Variants in CDH5 observed in about 807,000 individuals in gnomAD.
CDH5 encodes cadherin 5, also known as cadherin-5.
CDH5 carries 28 observed loss-of-function variants against 62.0 expected under a neutral mutation model. The observed-to-expected ratio is 0.45, with a 90% CI of 0.33 to 0.62. CDH5 has a LOEUF of 0.62. Among genes scored for constraint, CDH5 ranks in the 20% least tolerant of loss-of-function variants. The pLI is 0.02. For missense variants in CDH5, 940 were observed against 1,065.1 expected (o/e 0.88, Z 1.63); for synonymous variants, 464 against 445.8 (o/e 1.04, Z -0.52).
Position 66,402,650 on chromosome 16 carries a change from A to G in CDH5, c.1838-2A>G. 1.3e-6 allele frequency: 2 copies of G among 1,579,302 alleles called. No homozygotes were observed. The highest frequency in any genetic ancestry group is 1.7e-6 in the Non-Finnish European group (2 of 1,164,670). On this transcript the variant is annotated splice_acceptor_variant, in intron 11 of 11. Transcript: ENST00000341529. LOFTEE classifies it high-confidence loss of function. ...CTCTGCTGCTCGGCTCCCTGGCTGC[A>G]GTGATCACCCTGCTCATCTTCCTGC...
intron 3 of CDH5, among the ~76,000 whole-genome samples, chr16:66,388,073 C>T (rs1961016905): frequency 1.3e-5 from 2 of 152,220 alleles, no homozygotes; most frequent in African/African-American, 4.8e-5. Flanking sequence ...CCGCCCCCTC[C>T]CTCATTTCCC....
rs758449277 is a variant in CDH5, at chr16:66,379,327, C to T, written c.-11C>T. ...GTCTCCTCTTTCCCCAGATCTGTTC[C>T]TCCTGGGAAGATGCAGAGGCTCATG... On this transcript the variant is annotated 5_prime_UTR_variant, in exon 2 of 12. Transcript: ENST00000341529. 4.4e-6 allele frequency: 7 copies of T among 1,602,466 alleles called. No individual in the cohort carries two copies. In the Admixed American group the frequency reaches 8.4e-5, roughly 19 times the overall value.
At chr16:66,370,659 G>A (rs1278452856) in intron 1 of CDH5, among the ~76,000 whole-genome samples, 1 of 152,158 alleles carries the variant, frequency 6.6e-6, no homozygotes, top group Non-Finnish European at 1.5e-5. Flanking sequence ...TGGGCAGATA[G>A]GCCAGGAGGC....
chr16:66,384,253 A>C (rs1960945792), intron 2 of CDH5, among the ~76,000 whole-genome samples: 2 of 143,336 alleles, frequency 1.4e-5, no homozygotes, highest in Non-Finnish European at 3.0e-5. Context: ...CACCCAGCTA[A>C]TTTTTTTTTT....
At chr16:66,393,164 C>A (rs1961118574) in intron 7 of CDH5, among the ~76,000 whole-genome samples, 1 of 152,140 alleles carries the variant, frequency 6.6e-6, no homozygotes, top group Non-Finnish European at 1.5e-5. Context: ...ATTTTGCCAG[C>A]ACCATTTACT....
chr16:66,391,819 A>AGAAC (rs1416703013), intron 6 of CDH5, among the ~76,000 whole-genome samples: 5 of 152,192 alleles, frequency 3.3e-5, no homozygotes, highest in Admixed American at 6.5e-5. Flanking sequence ...GGGTAGAACC[A>AGAAC]CTAGTGACGC....
intron 4 of CDH5, 51 bp from the exon 5 acceptor site, chr16:66,389,307 G>A (rs534744598): frequency 2.2e-5 from 34 of 1,563,634 alleles, no homozygotes; most frequent in Middle Eastern, 1.7e-4. Flanking sequence ...CCTAGGCATC[G>A]GTATTTTCTA....
chr16:66,371,897 A>G (rs148706486), intron 1 of CDH5, among the ~76,000 whole-genome samples: 2,565 of 152,116 alleles, frequency 0.017, 31 homozygotes, highest in African/African-American at 0.043. Flanking sequence ...GTCCCAAGAA[A>G]AGCAGCTCTA....
Position 66,400,934 on chromosome 16 carries a change from C to T in CDH5, c.1755C>T (p.Thr585=). 6.2e-7 allele frequency: 1 copy of T among 1,614,140 alleles called. No individual in the cohort carries two copies. The highest frequency in any genetic ancestry group is 1.1e-5 in the South Asian group (1 of 91,084). The change falls in exon 11 of 12, where the codon ACC becomes ACT. Residue 585 remains threonine (T), a synonymous_variant. Transcript: ENST00000341529. The stretch of plus-strand genomic sequence containing the variant: ...AGTGCAACGAGCAGGGCGAGTTCAC[C>T]TTCTGCGAGGATATGGCCGCCCAGG... The part of the protein sequence containing the change: ...VCKCNEQGEF[T]FCEDMAAQVG...
Position 66,390,467 on chromosome 16 carries a change from T to C in CDH5, c.846T>C (p.Val282=). 1 of 1,614,090 alleles carries C rather than the reference T, an allele frequency of 6.2e-7. No individual in the cohort carries two copies. The highest frequency in any genetic ancestry group is 8.5e-7 in the Non-Finnish European group (1 of 1,180,000). ...RVGTSVGSLF[V]EDPDEPQNRM... is the part of the protein sequence containing the mutation. ...GCACCTCTGTGGGCTCTCTGTTTGT[T>C]GAGGACCCAGATGAGCCCCAGAACC... is the stretch of plus-strand genomic sequence containing the variant. Residue 282 remains valine (V), a synonymous_variant, in exon 6 of 12, where the codon GTT becomes GTC. Coordinates refer to ENST00000341529, the MANE Select transcript of CDH5 (RefSeq NM_001795.5).
chr16:66,371,310 C>A (rs1253334843), intron 1 of CDH5, among the ~76,000 whole-genome samples: 2 of 152,138 alleles, frequency 1.3e-5, no homozygotes, highest in African/African-American at 2.4e-5. Flanking sequence ...GGGCCACACA[C>A]GGAGCTGGGT....
intron 1 of CDH5, among the ~76,000 whole-genome samples, chr16:66,368,820 G>T (rs984208687): frequency 6.6e-6 from 1 of 152,222 alleles, no homozygotes; most frequent in African/African-American, 2.4e-5. Flanking sequence ...GAGGGGGAAA[G>T]CAGAGCAGTC....
Position 66,386,041 on chromosome 16 carries a change from A to G in CDH5, c.211-768A>G, listed in dbSNP as rs528478357. ...CTCCTCAGAGCAAAGCAACATCAGA[A>G]GCAATATTTCCATTTTACAAATGAG... On this transcript the variant is annotated intron_variant, in intron 2 of 11. Coordinates refer to ENST00000341529, the MANE Select transcript of CDH5 (RefSeq NM_001795.5). Among the ~76,000 whole-genome samples the G allele has an allele frequency of 4.6e-3, 697 of 152,346 alleles. 5 individuals are homozygous for G. The highest frequency in any genetic ancestry group is 7.6e-3 in the Admixed American group (116 of 15,304).
At chr16:66,382,480 TC>T (rs997815679) in intron 2 of CDH5, among the ~76,000 whole-genome samples, 1 of 152,014 alleles carries the variant, frequency 6.6e-6, no homozygotes, top group African/African-American at 2.4e-5. Context: ...CAGGAAAATG[TC>T]GTCAATCCAC....
chr16:66,370,450 T>G (rs1034085630), intron 1 of CDH5, among the ~76,000 whole-genome samples: 1 of 152,198 alleles, frequency 6.6e-6, no homozygotes, highest in African/African-American at 2.4e-5. Flanking sequence ...ATACCAACAA[T>G]TGTACCTACT....
At chr16:66,385,697 C>T (rs1960971303) in intron 2 of CDH5, among the ~76,000 whole-genome samples, 1 of 152,194 alleles carries the variant, frequency 6.6e-6, no homozygotes, top group African/African-American at 2.4e-5. Context: ...CATTATGTAG[C>T]ATTTCCATCA....
Position 66,404,748 on chromosome 16 carries a change from T to G in CDH5, c.*1579T>G, listed in dbSNP as rs1961358229. The G allele has an allele frequency of 6.6e-6, 1 of 152,596 alleles. No homozygotes were observed. Among genetic ancestry groups the G allele is most frequent in the Non-Finnish European group, 1.5e-5 (1 of 68,044 alleles). 9.5% of individuals were successfully genotyped at this position (152,596 alleles called of 1,614,324 possible). On this transcript the variant is annotated 3_prime_UTR_variant, in exon 12 of 12. Coordinates refer to ENST00000341529, the MANE Select transcript of CDH5 (RefSeq NM_001795.5). ...GGTGCATGACAAGTACTGTATTTTT[T>G]TATACCTAAATAAAGAAAAATCTTT...
At chr16:66,387,996 G>A (rs749801928) in intron 3 of CDH5, among the ~76,000 whole-genome samples, 4 of 152,174 alleles carry the variant, frequency 2.6e-5, no homozygotes, top group Non-Finnish European at 5.9e-5. Flanking sequence ...TCCTTTGGGG[G>A]CACCTTTCCA....
Position 66,400,748 on chromosome 16 carries a change from C to T in CDH5, c.1592-23C>T, listed in dbSNP as rs1236402868. ...CATCTGTGCAGATGGCAAAGCCTGACTCCGAGGCCTTGGTGTTTCCAGATA... is the reference window on the plus strand; with the variant it reads ...CATCTGTGCAGATGGCAAAGCCTGATTCCGAGGCCTTGGTGTTTCCAGATA... On this transcript the variant is annotated intron_variant, in intron 10 of 11. Coordinates refer to ENST00000341529, the MANE Select transcript of CDH5 (RefSeq NM_001795.5). 7.4e-6 allele frequency: 12 copies of T among 1,613,970 alleles called. No homozygotes were observed. The Admixed American group carries it at 1.8e-4, about 25-fold the overall frequency.
Sources: allele counts gnomAD v4.1 joint callset (sites outside exome capture counted in the v4.1 genomes callset), GRCh38; gene constraint gnomAD v4.1.1; transcripts MANE v1.5; gene names NCBI Gene and HGNC (gene_info 2026-07-23, HGNC 2026-07-21).